Variants in GPC5 observed in about 807,000 individuals in gnomAD.
GPC5 encodes the protein glypican 5.
A neutral mutation model predicts 53.9 loss-of-function variants in GPC5; 47 were observed. The ratio of observed to expected loss-of-function variants is 0.87; its 90% CI spans 0.69 to 1.11. GPC5 has a LOEUF of 1.11. Ranked by LOEUF, GPC5 falls within the 50% of genes most tolerant of loss-of-function variation. The pLI is 0.00. For missense variants in GPC5, 748 were observed against 713.1 expected (o/e 1.05, Z -0.56); for synonymous variants, 286 against 263.3 (o/e 1.09, Z -0.84).
At chr13:91,950,770 ACT>A (rs1175573212) in intron 6 of GPC5, among the ~76,000 whole-genome samples, 1 of 152,006 alleles carries the variant, frequency 6.6e-6, no homozygotes, top group Non-Finnish European at 1.5e-5. Context: ...TTCTAAGTAA[ACT>A]CTATGTGTAA....
chr13:92,328,543 C>A (rs987484403), intron 7 of GPC5, among the ~76,000 whole-genome samples: 1 of 152,068 alleles, frequency 6.6e-6, no homozygotes, highest in Non-Finnish European at 1.5e-5. Flanking sequence ...GTTAGAGTGG[C>A]TTATTTTAAG....
At chr13:91,902,318 C>T (rs1419503025) in intron 5 of GPC5, among the ~76,000 whole-genome samples, 5 of 151,882 alleles carry the variant, frequency 3.3e-5, no homozygotes, top group Non-Finnish European at 7.4e-5. Context: ...ATTACAATGC[C>T]TTTTAAAATT....
At chr13:91,873,716 C>T (rs1334271169) in intron 5 of GPC5, among the ~76,000 whole-genome samples, 1 of 152,158 alleles carries the variant, frequency 6.6e-6, no homozygotes, top group Admixed American at 6.5e-5. Context: ...AATACAGTCA[C>T]TTTGTCACCC....
chr13:92,457,207 T>C (rs958067275), intron 7 of GPC5, among the ~76,000 whole-genome samples: 10 of 152,156 alleles, frequency 6.6e-5, no homozygotes, highest in African/African-American at 1.2e-4. Context: ...GTAGGATTCA[T>C]AGTGTATAGG....
chr13:91,767,524 A>G (rs2037547059), intron 5 of GPC5, among the ~76,000 whole-genome samples: 1 of 152,212 alleles, frequency 6.6e-6, no homozygotes, highest in East Asian at 1.9e-4. Flanking sequence ...TGTATCACAC[A>G]ACAGATTGTT....
At chr13:91,866,741 CA>C (rs1215831636) in intron 5 of GPC5, among the ~76,000 whole-genome samples, 1 of 152,184 alleles carries the variant, frequency 6.6e-6, no homozygotes, top group African/African-American at 2.4e-5. Flanking sequence ...TCAGTTTTGA[CA>C]TTATGAACCT....
At chr13:91,478,415 G>A (rs945981806) in intron 2 of GPC5, among the ~76,000 whole-genome samples, 3 of 151,658 alleles carry the variant, frequency 2.0e-5, no homozygotes, top group Non-Finnish European at 4.4e-5. Flanking sequence ...TCATAAAAAT[G>A]TAAAGAGAAA....
At chr13:92,610,918 A>G (rs1475126637) in intron 7 of GPC5, among the ~76,000 whole-genome samples, 1 of 151,584 alleles carries the variant, frequency 6.6e-6, no homozygotes, top group Non-Finnish European at 1.5e-5. Flanking sequence ...ACAATTCGAG[A>G]TGATATCTGA....
intron 7 of GPC5, among the ~76,000 whole-genome samples, chr13:92,692,965 G>A (rs1004386056): frequency 6.6e-6 from 1 of 151,654 alleles, no homozygotes; most frequent in Non-Finnish European, 1.5e-5. Context: ...AAATCATGGG[G>A]GTGGTTTCCC....
At chr13:92,861,983 T>C (rs1879197677) in intron 7 of GPC5, among the ~76,000 whole-genome samples, 1 of 152,172 alleles carries the variant, frequency 6.6e-6, no homozygotes, top group Non-Finnish European at 1.5e-5. Context: ...CATTTGAAAG[T>C]TCCAAGAAAT....
intron 4 of GPC5, among the ~76,000 whole-genome samples, chr13:91,738,995 T>C (rs993302474): frequency 6.6e-6 from 1 of 151,522 alleles, no homozygotes; most frequent in Non-Finnish European, 1.5e-5. Flanking sequence ...TAGTATAGCT[T>C]TTGTTGATTA....
At chr13:92,258,899 T>C (rs2042745545) in intron 7 of GPC5, among the ~76,000 whole-genome samples, 1 of 152,184 alleles carries the variant, frequency 6.6e-6, no homozygotes, top group African/African-American at 2.4e-5. Flanking sequence ...ACTATGATCA[T>C]GCCTGTAAAG....
chr13:91,737,779 C>T (rs2140053436), intron 4 of GPC5, among the ~76,000 whole-genome samples: 1 of 151,338 alleles, frequency 6.6e-6, no homozygotes, highest in South Asian at 2.1e-4. Flanking sequence ...TTTAGTCTTC[C>T]AGTATTCAAC....
At chr13:92,656,761 C>A (rs1284336198) in intron 7 of GPC5, among the ~76,000 whole-genome samples, 1 of 152,194 alleles carries the variant, frequency 6.6e-6, no homozygotes, top group East Asian at 1.9e-4. Context: ...CGAGACCAAC[C>A]TGGGCAATAT....
chr13:91,417,035 A>G (rs1462361529), intron 1 of GPC5, among the ~76,000 whole-genome samples: 1 of 152,184 alleles, frequency 6.6e-6, no homozygotes, highest in African/African-American at 2.4e-5. Context: ...ACTTCTTGAA[A>G]AAGTGGATGG....
At chr13:91,987,381 T>C (rs1000443228) in intron 6 of GPC5, among the ~76,000 whole-genome samples, 9 of 152,278 alleles carry the variant, frequency 5.9e-5, no homozygotes, top group African/African-American at 2.2e-4. Flanking sequence ...ATTGTTTTAG[T>C]TTGTCTGTTA....
chr13:91,546,672 A>G (rs1258467386), intron 2 of GPC5, among the ~76,000 whole-genome samples: 1 of 152,072 alleles, frequency 6.6e-6, no homozygotes, highest in Non-Finnish European at 1.5e-5. Flanking sequence ...GTTTCTCTGG[A>G]GCAATTGGAA....
At chr13:91,906,086 A>G (rs1457558194) in intron 5 of GPC5, among the ~76,000 whole-genome samples, 2 of 151,994 alleles carry the variant, frequency 1.3e-5, no homozygotes, top group Non-Finnish European at 2.9e-5. Flanking sequence ...GTATCACTCA[A>G]TGGAGAGTCT....
chr13:91,955,392 C>T (rs2040063681), intron 6 of GPC5, among the ~76,000 whole-genome samples: 1 of 152,274 alleles, frequency 6.6e-6, no homozygotes, highest in African/African-American at 2.4e-5. Flanking sequence ...TGGTACACAT[C>T]TCCTGGACAA....
Sources: allele counts gnomAD v4.1 joint callset (sites outside exome capture counted in the v4.1 genomes callset), GRCh38; gene constraint gnomAD v4.1.1; transcripts MANE v1.5; gene names NCBI Gene and HGNC (gene_info 2026-07-23, HGNC 2026-07-21).